Variants in ZNF469 observed in about 807,000 individuals in gnomAD.
ZNF469 encodes the protein zinc finger protein 469.
In ZNF469, 1 loss-of-function variant was observed where a neutral mutation model predicts 1.0. That is an observed-to-expected ratio of 1.00 (90% CI 0.35 to 4.73). ZNF469 has a LOEUF of 4.73. ZNF469 is among the 30% of genes most tolerant of loss of function. ZNF469 has a pLI of 0.16. For synonymous variants in ZNF469, 2,703 were observed against 2,363.4 expected (o/e 1.14, Z -4.17); for missense variants, 6,100 against 5,356.3 (o/e 1.14, Z -4.33).
chr16:88,168,522 C>T, the ZNF469 span, among the ~76,000 whole-genome samples: 2 of 152,164 alleles, frequency 1.3e-5, no homozygotes, highest in African/African-American at 4.8e-5. The surrounding 1 kb of genome is among the most constrained non-coding windows in gnomAD (Gnocchi z 4.3). Flanking sequence ...TGATTGTGAC[C>T]TTGTGCAGGT....
At chr16:88,256,493 T>C in the ZNF469 span, among the ~76,000 whole-genome samples, 2 of 152,372 alleles carry the variant, frequency 1.3e-5, no homozygotes, top group Admixed American at 1.3e-4. Context: ...TTGGCCACAG[T>C]GAATAAAGCT....
the ZNF469 span, among the ~76,000 whole-genome samples, chr16:88,203,728 C>CTGTGTGTGTGTGTG: frequency 6.7e-5 from 10 of 150,014 alleles, no homozygotes; most frequent in Non-Finnish European, 4.5e-5. Flanking sequence ...GTGTCTGTCC[C>CTGTGTGTGTGTGTG]TGTGTGTGTG....
the ZNF469 span, among the ~76,000 whole-genome samples, chr16:88,256,872 TTTC>T: frequency 1.4e-5 from 2 of 139,520 alleles, no homozygotes; most frequent in Non-Finnish European, 3.2e-5. Context: ...CCTTCCTTTC[TTTC>T]TTTTCTTTTC....
At chr16:88,369,690 T>C in the ZNF469 span, among the ~76,000 whole-genome samples, 1 of 152,198 alleles carries the variant, frequency 6.6e-6, no homozygotes, top group Admixed American at 6.5e-5. Flanking sequence ...CTGTCCCCAC[T>C]GCCCTGTTTC....
At chr16:88,411,381 G>A (rs1905156325) in intron 1 of ZNF469, among the ~76,000 whole-genome samples, 1 of 150,630 alleles carries the variant, frequency 6.6e-6, no homozygotes, top group African/African-American at 2.4e-5. Flanking sequence ...GGCGGGCAGG[G>A]GTGGTGGGGC....
At chr16:88,104,640 C>T in the ZNF469 span, among the ~76,000 whole-genome samples, 4 of 152,244 alleles carry the variant, frequency 2.6e-5, no homozygotes, top group Admixed American at 2.6e-4. Context: ...CCTGTCCATG[C>T]AGCCTGCACC....
chr16:88,308,419 TC>T, the ZNF469 span, among the ~76,000 whole-genome samples: 1 of 152,286 alleles, frequency 6.6e-6, no homozygotes, highest in Non-Finnish European at 1.5e-5. Context: ...GATTTTAAAA[TC>T]ATCTGATTCT....
chr16:88,253,558 G>C, the ZNF469 span, among the ~76,000 whole-genome samples: 1 of 150,916 alleles, frequency 6.6e-6, no homozygotes, highest in Non-Finnish European at 1.5e-5. Context: ...TGTTTTTGGA[G>C]ATGGAGTCTC....
chr16:88,162,452 G>A, the ZNF469 span, among the ~76,000 whole-genome samples: 1 of 150,244 alleles, frequency 6.7e-6, no homozygotes, highest in Non-Finnish European at 1.5e-5. Flanking sequence ...TATGTACCAA[G>A]AATAATTATT....
the ZNF469 span, among the ~76,000 whole-genome samples, chr16:88,158,257 G>A: frequency 6.6e-6 from 1 of 151,998 alleles, no homozygotes; most frequent in South Asian, 2.1e-4. Context: ...TGGGAGGTGG[G>A]GGCTGGGAGG....
chr16:88,119,828 G>C, the ZNF469 span, among the ~76,000 whole-genome samples: 1 of 152,246 alleles, frequency 6.6e-6, no homozygotes, highest in Non-Finnish European at 1.5e-5. Context: ...GTCGTAGGGA[G>C]TGGGGTTAGG....
the ZNF469 span, among the ~76,000 whole-genome samples, chr16:88,354,089 G>C: frequency 1.3e-5 from 2 of 152,246 alleles, no homozygotes; most frequent in Non-Finnish European, 2.9e-5. Flanking sequence ...ACTGGGGACA[G>C]TTTCACAAAC....
the ZNF469 span, among the ~76,000 whole-genome samples, chr16:88,174,464 G>A: frequency 6.9e-5 from 8 of 116,334 alleles, no homozygotes; most frequent in East Asian, 3.4e-4. Flanking sequence ...TTTGTCTGTC[G>A]TCTGTCTGTC....
At chr16:88,209,030 C>T in the ZNF469 span, among the ~76,000 whole-genome samples, 3 of 152,128 alleles carry the variant, frequency 2.0e-5, no homozygotes, top group African/African-American at 7.2e-5. Flanking sequence ...CTGTTCACCC[C>T]ACATATTCTT....
the ZNF469 span, among the ~76,000 whole-genome samples, chr16:88,116,540 G>A: frequency 6.6e-6 from 1 of 152,200 alleles, no homozygotes; most frequent in African/African-American, 2.4e-5. Context: ...GTATCTTCAT[G>A]CCAAAAACCG....
chr16:88,299,506 A>T, the ZNF469 span, among the ~76,000 whole-genome samples: 1 of 152,208 alleles, frequency 6.6e-6, no homozygotes, highest in Non-Finnish European at 1.5e-5. Flanking sequence ...AGGAAGGAGC[A>T]CAGCTTTGAT....
chr16:88,406,606 A>G (rs1183752649), intron 1 of ZNF469, among the ~76,000 whole-genome samples: 3 of 152,144 alleles, frequency 2.0e-5, no homozygotes, highest in Non-Finnish European at 1.5e-5. Context: ...AGAGGGTTCA[A>G]CAGGGAGAGG....
At chr16:88,167,791 G>A in the ZNF469 span, among the ~76,000 whole-genome samples, 10 of 152,374 alleles carry the variant, frequency 6.6e-5, no homozygotes, top group East Asian at 1.9e-3. Context: ...TGCCGGAAGA[G>A]CAGCTGTTGT....
chr16:88,436,111 C>T lies in ZNF469; in HGVS notation c.8641C>T (p.Arg2881Cys), dbSNP rs529243785. ...GAGGAACCCGCATGTCTACGGGAAG[C>T]GCTGTGAGAAGCCGGTGCTCCCGCT... ...RKRNPHVYGK[R>C]CEKPVLPLPT... The change falls in exon 3 of 3, where the codon CGC becomes TGC. Residue 2881 changes from arginine (R) to cysteine (C), a missense_variant. Arg to Cys is a radical substitution (Grantham distance 180). Transcript: ENST00000565624. The T allele has an allele frequency of 8.9e-5, 138 of 1,548,940 alleles. No individual in the cohort carries two copies. The African/African-American group carries it at 1.1e-3, about 13-fold the overall frequency.
Sources: gnomAD v4.1 joint callset for allele counts (sites outside exome capture counted in the v4.1 genomes callset) on GRCh38, gnomAD v4.1.1 for gene constraint, Gnocchi (gnomAD v3.1) non-coding constraint, MANE v1.5 for transcripts, NCBI Gene and HGNC (gene_info 2026-07-23, HGNC 2026-07-21) for gene names.